Variants in FBN1 observed in about 807,000 individuals in gnomAD.
FBN1 encodes fibrillin 1, also known as fibrillin-1.
A neutral mutation model predicts 365.1 loss-of-function variants in FBN1; 29 were observed. The ratio of observed to expected loss-of-function variants is 0.08; its 90% confidence interval spans 0.06 to 0.11. The LOEUF is 0.11. FBN1 is among the 10% of genes least tolerant of loss of function. The pLI is 1.00. For missense variants in FBN1, 2,476 were observed against 3,703.2 expected, an observed-to-expected ratio of 0.67 and a Z score of 8.60; for synonymous variants, 1,210 against 1,270.5, an observed-to-expected ratio of 0.95 and a Z score of 1.01.
intron 54 of FBN1, 85 bp from the exon 55 acceptor site, chr15:48,433,073 T>C: frequency 4.0e-6 from 6 of 1,490,028 alleles, no homozygotes; most frequent in Non-Finnish European, 5.6e-6. Flanking sequence ...TCTAAAACTT[T>C]ACCAAAAGTT....
At chr15:48,442,484 C>A (rs2043123777) in intron 49 of FBN1, among the ~76,000 whole-genome samples, 1 of 152,150 alleles carries the variant, frequency 6.6e-6, no homozygotes, top group Non-Finnish European at 1.5e-5. Flanking sequence ...CTTGTACAGG[C>A]TTTTTCTTTC....
chr15:48,568,351 A>G (rs988743635), intron 6 of FBN1, among the ~76,000 whole-genome samples: 1 of 152,120 alleles, frequency 6.6e-6, no homozygotes, highest in Non-Finnish European at 1.5e-5. Flanking sequence ...CATTGCCAAG[A>G]TAAGTCGAAA....
At chr15:48,551,177 T>C (rs1025681383) in intron 6 of FBN1, among the ~76,000 whole-genome samples, 2 of 152,232 alleles carry the variant, frequency 1.3e-5, no homozygotes, top group Admixed American at 1.3e-4. Context: ...GTCAGTTTTC[T>C]CTGCTTCCTG....
rs1206319391 is a variant in FBN1, at chr15:48,410,683, T to C, written c.*307A>G. The C allele has an allele frequency of 5.7e-6, 2 of 348,292 alleles. No individual in the cohort carries two copies. The highest frequency in any genetic ancestry group is 1.2e-4 in the East Asian group (2 of 17,094). The allele number at this position is 348,292 out of a possible 1,614,324, so 21.6% of individuals were successfully genotyped here. On this transcript the variant is annotated 3_prime_UTR_variant, in exon 66 of 66. Transcript: ENST00000316623. ...AATTGAAAGCACATTCCCGTACGTT[T>C]GCTGGAAGGATGGCATGTCAGCATA...
rs767743896 is a variant in FBN1 at position 48,496,061 on chromosome 15, T to A, written c.2419+39A>T. The A allele has an allele frequency of 3.7e-6, 6 of 1,612,620 alleles. No homozygotes were observed. The African/African-American group carries it at 6.7e-5, about 18-fold the overall frequency. On this transcript the variant is annotated intron_variant, in intron 20 of 65. Transcript: ENST00000316623. ...GGTTTTCTAATGGCATTCCAAAAGA[T>A]AGCAAAGTACACAGTATAAGAACAA...
intron 24 of FBN1, among the ~76,000 whole-genome samples, chr15:48,490,732 G>T (rs1420591981): frequency 2.0e-5 from 3 of 152,196 alleles, no homozygotes; most frequent in Admixed American, 2.0e-4. Context: ...AGAGCAGAAA[G>T]CCTAGCAGAG....
At chr15:48,533,949 T>C in intron 8 of FBN1, 131 bp downstream of exon 8, 1 of 1,311,136 alleles carries the variant, frequency 7.6e-7, no homozygotes, top group Non-Finnish European at 1.1e-6. Context: ...TTAAAAATAT[T>C]ATATTTACAC....
At position 48,411,302 on chromosome 15, in the gene FBN1, A is replaced by G; in HGVS notation, c.8304T>C (p.Ile2768=). 6.2e-7 allele frequency: 1 copy of G among 1,614,122 alleles called. No homozygotes were observed. Among genetic ancestry groups the G allele is most frequent in the Non-Finnish European group, 8.5e-7 (1 of 1,179,994 alleles). Residue 2768 remains isoleucine (I), a synonymous_variant, in exon 66 of 66, where the codon ATT becomes ATC. Coordinates refer to ENST00000316623, the MANE Select transcript of FBN1 (RefSeq NM_000138.5). ...TTCGAACCTTGTTACTGACGTGGGA[A>G]ATATTGAAAGCAAAGATGGCTGTCT... is the stretch of plus-strand genomic sequence containing the variant. ...VEKTAIFAFN[I]SHVSNKVRIL...
At chr15:48,470,528 C>A in intron 36 of FBN1, 106 bp downstream of exon 36, 1 of 1,491,796 alleles carries the variant, frequency 6.7e-7, no homozygotes, top group Middle Eastern at 2.3e-4. Context: ...TTCCCCCTTG[C>A]TTTTCTTGTC....
chr15:48,521,556 G>A (rs1043431833), intron 9 of FBN1, among the ~76,000 whole-genome samples: 9 of 152,292 alleles, frequency 5.9e-5, no homozygotes, highest in South Asian at 4.1e-4. Flanking sequence ...ATGGTAAGAC[G>A]CATTTCTATA....
At chr15:48,495,719 C>A in intron 20 of FBN1, 131 bp from the exon 21 acceptor site, 1 of 1,167,048 alleles carries the variant, frequency 8.6e-7, no homozygotes, top group Non-Finnish European at 1.3e-6. Context: ...ATAGTTTTTC[C>A]TACACTAGAT....
intron 2 of FBN1, chr15:48,643,407 T>A (rs184801720): frequency 8.7e-4 from 132 of 152,340 alleles, no homozygotes; most frequent in African/African-American, 3.1e-3. Context: ...GCCTAAGTGC[T>A]TGGCTCATAC....
chr15:48,490,409 C>G (rs1472637064), intron 24 of FBN1, among the ~76,000 whole-genome samples: 2 of 152,184 alleles, frequency 1.3e-5, no homozygotes, highest in African/African-American at 4.8e-5. Flanking sequence ...ATACCTATCA[C>G]CGATGCGTGC....
chr15:48,534,432 T>G (rs998802045), intron 7 of FBN1, among the ~76,000 whole-genome samples: 2 of 152,234 alleles, frequency 1.3e-5, no homozygotes, highest in Non-Finnish European at 2.9e-5. Flanking sequence ...AAGTATTTTT[T>G]GTTTTCCCAC....
At chr15:48,521,277 C>A (rs548337110) in intron 9 of FBN1, among the ~76,000 whole-genome samples, 10 of 152,256 alleles carry the variant, frequency 6.6e-5, no homozygotes, top group Admixed American at 3.3e-4. Context: ...AAAGATCTTT[C>A]TTATTTTCCA....
Position 48,607,338 on chromosome 15 carries a change from A to T in FBN1, c.346+3390T>A, listed in dbSNP as rs546505551. ...ATCATATATAATTATATATATAATT[A>T]GACAATTATATATATACACATACAT... On this transcript the variant is annotated intron_variant, in intron 4 of 65. Coordinates refer to ENST00000316623, the MANE Select transcript of FBN1 (RefSeq NM_000138.5). Among the ~76,000 whole-genome samples the T allele has an allele frequency of 9.5e-4, 131 of 138,562 alleles. 1 individual carries two copies. The highest frequency in any genetic ancestry group is 3.3e-3 in the African/African-American group (126 of 37,872). The allele number at this position is 138,562 out of a possible 152,430, so 90.9% of individuals were successfully genotyped here. A position where few individuals can be genotyped will look rare whatever the true frequency, so the allele number is the denominator to read the frequency against.
chr15:48,466,373 T>C (rs1024965553), intron 38 of FBN1, among the ~76,000 whole-genome samples: 1 of 152,236 alleles, frequency 6.6e-6, no homozygotes, highest in Non-Finnish European at 1.5e-5. Context: ...CCTCTGTTTC[T>C]ATGGGTGGCA....
intron 6 of FBN1, among the ~76,000 whole-genome samples, 175 bp from the exon 7 acceptor site, chr15:48,537,983 C>T (rs1597593933): frequency 1.3e-5 from 2 of 152,246 alleles, no homozygotes; most frequent in East Asian, 3.9e-4. Context: ...CTTCTGAACC[C>T]GATTTCCTAA....
intron 54 of FBN1, 84 bp from the exon 55 acceptor site, chr15:48,433,072 T>G: frequency 1.3e-6 from 2 of 1,493,116 alleles, no homozygotes; most frequent in Non-Finnish European, 1.9e-6. Context: ...CTCTAAAACT[T>G]TACCAAAAGT....
Sources: allele counts gnomAD v4.1 joint callset (sites outside exome capture counted in the v4.1 genomes callset), GRCh38; gene constraint gnomAD v4.1.1; transcripts MANE v1.5; gene names NCBI Gene and HGNC (gene_info 2026-07-23, HGNC 2026-07-21).